The following ACBD5 variants were observed in gnomAD, a reference collection of about 807,000 sequenced individuals.
The protein encoded by ACBD5 is acyl-CoA binding domain containing 5.
In ACBD5, 40 loss-of-function variants were observed where a neutral mutation model predicts 71.8. The ratio of observed to expected loss-of-function variants is 0.56; its 90% CI spans 0.43 to 0.72. ACBD5 has a LOEUF of 0.72. ACBD5 is among the 30% of genes least tolerant of loss of function. The pLI, the probability that ACBD5 is intolerant of heterozygous loss-of-function variation, is 0.00. For synonymous variants in ACBD5, 229 were observed against 218.6 expected (o/e 1.05, Z -0.42); for missense variants, 559 against 644.5 (o/e 0.87, Z 1.44).
intron 12 of ACBD5, among the ~76,000 whole-genome samples, 200 bp from the exon 13 acceptor site, chr10:27,197,642 ATTAT>A (rs925057543): frequency 6.6e-6 from 1 of 152,130 alleles, no homozygotes; most frequent in Non-Finnish European, 1.5e-5. Context: ...ACAGTTTTAA[ATTAT>A]TTATTTATTT....
At chr10:27,217,383 G>C (rs2061776682) in intron 7 of ACBD5, among the ~76,000 whole-genome samples, 2 of 151,508 alleles carry the variant, frequency 1.3e-5, no homozygotes, top group African/African-American at 4.8e-5. Context: ...TTGAACCCAG[G>C]GGGCAGAGGT....
intron 12 of ACBD5, among the ~76,000 whole-genome samples, chr10:27,201,281 A>G (rs2059903282): frequency 6.6e-6 from 1 of 152,234 alleles, no homozygotes; most frequent in African/African-American, 2.4e-5. Context: ...AGGCTAGACA[A>G]CCAGGGACAG....
At chr10:27,219,924 A>C in intron 5 of ACBD5, 67 bp from the exon 6 acceptor site, 1 of 1,455,220 alleles carries the variant, frequency 6.9e-7, no homozygotes, top group South Asian at 1.3e-5. Context: ...TTTCCAAGTA[A>C]TACTAATAAA....
Position 27,240,708 on chromosome 10 carries a change from G to A in ACBD5, c.-20C>T, listed in dbSNP as rs905883724. 6.4e-7 allele frequency: 1 copy of A among 1,550,468 alleles called. No individual in the cohort carries two copies. Among genetic ancestry groups the A allele is most frequent in the Non-Finnish European group, 8.7e-7 (1 of 1,146,932 alleles). The stretch of plus-strand genomic sequence containing the variant: ...GAGCATGTCTAGCAGAAGACAGAGG[G>A]GGTCCGGGCATCGGTGGCCGCGGAG... On this transcript the variant is annotated 5_prime_UTR_variant, in exon 1 of 13. Transcript: ENST00000396271. This position sits in a 1 kb window ranked among gnomAD's most constrained non-coding sequence, Gnocchi z 4.1.
At chr10:27,209,666 G>A (rs751758603) in intron 9 of ACBD5, among the ~76,000 whole-genome samples, 28 of 152,066 alleles carry the variant, frequency 1.8e-4, no homozygotes, top group Non-Finnish European at 3.7e-4. Context: ...TAAATTGTGT[G>A]TTCCTTATAG....
rs773379211 is a variant in ACBD5, at chr10:27,219,723, C to T, written c.625G>A (p.Asp209Asn). 1 of 1,613,762 alleles carries T rather than the reference C, an allele frequency of 6.2e-7. No homozygotes were observed. Among genetic ancestry groups the T allele is most frequent in the African/African-American group, 1.3e-5 (1 of 75,032 alleles). ...EVKGAEQSDN[D>N]KKMMKKSADH... Reference sequence around the variant, plus strand: ...TACTAACTGATTTTCCAAACATTACCATTATCACTTTGTTCTGCTCCTTTC... The same window carrying T: ...TACTAACTGATTTTCCAAACATTACTATTATCACTTTGTTCTGCTCCTTTC... Residue 209 changes from aspartate to asparagine, a missense_variant and splice_region_variant, in exon 6 of 13, where the codon GAT becomes AAT. Physicochemically the swap from Asp to Asn is conservative, Grantham distance 23. Coordinates refer to ENST00000396271, the MANE Select transcript of ACBD5 (RefSeq NM_145698.5).
In ACBD5 at chr10:27,196,489, A is replaced by C. The variant is rs1318216461; in HGVS notation, c.*941T>G. ...ATAGTATACCCCGAAGGAAAAACTG[A>C]GGCACTAAGAGGTTAAGAGTCCAGT... On this transcript the variant is annotated 3_prime_UTR_variant, in exon 13 of 13. Transcript: ENST00000396271. 5 of 454,544 alleles carry C rather than the reference A, an allele frequency of 1.1e-5. No homozygotes were observed. In the East Asian group the frequency reaches 3.5e-4, roughly 32 times the overall value. The allele number at this position is 454,544 out of a possible 1,614,324, so 28.2% of individuals were successfully genotyped here. A position where few individuals can be genotyped will look rare whatever the true frequency, so the allele number is the denominator to read the frequency against.
intron 9 of ACBD5, 92 bp from the exon 10 acceptor site, chr10:27,208,537 A>G (rs1481435128): frequency 6.9e-7 from 1 of 1,451,064 alleles, no homozygotes; most frequent in African/African-American, 1.4e-5. Flanking sequence ...TTTCTTTGAG[A>G]TCTAAATCTC....
In ACBD5 at chr10:27,215,450, T is replaced by C. The variant is rs140769930; in HGVS notation, c.936+85A>G. ...TATCTTTTCAAAATGAAAAATAGCA[T>C]GTATATTTGCTACTAACAGAAGTTA... On this transcript the variant is annotated intron_variant, in intron 8 of 12. Coordinates refer to ENST00000396271, the MANE Select transcript of ACBD5 (RefSeq NM_145698.5). The C allele has an allele frequency of 3.0e-4, 254 of 840,166 alleles. 1 individual carries two copies. The East Asian group carries it at 4.6e-3, about 15-fold the overall frequency. 52.0% of individuals were successfully genotyped at this position (840,166 alleles called of 1,614,324 possible). A position where few individuals can be genotyped will look rare whatever the true frequency, so the allele number is the denominator to read the frequency against.
downstream of ACBD5, among the ~76,000 whole-genome samples, chr10:27,192,827 G>A (rs564574664): frequency 5.9e-5 from 9 of 151,738 alleles, no homozygotes; most frequent in East Asian, 5.9e-4. Flanking sequence ...AAAATTAGCC[G>A]GGCGTGGTGG....
chr10:27,216,399 C>T (rs942822088), intron 7 of ACBD5, among the ~76,000 whole-genome samples: 2 of 152,168 alleles, frequency 1.3e-5, no homozygotes, highest in Admixed American at 6.6e-5. Context: ...CCTTAGCCTC[C>T]CAAAGTGCTG....
At chr10:27,191,720 C>T (rs1276521457), downstream of ACBD5, among the ~76,000 whole-genome samples, 1 of 152,022 alleles carries the variant, frequency 6.6e-6, no homozygotes, top group African/African-American at 2.4e-5. Context: ...CCCATCTCTA[C>T]CAAAAATACA....
chr10:27,195,276 T>G lies in ACBD5; in HGVS notation c.*2154A>C, dbSNP rs1163711163. On this transcript the variant is annotated 3_prime_UTR_variant, in exon 13 of 13. Coordinates refer to ENST00000396271, the MANE Select transcript of ACBD5 (RefSeq NM_145698.5). Reference sequence around the variant, plus strand: ...ACAATAAACAGAAAAGAAGTTATCATTAAAAAAATACCATAGCTGTCAAGT... The same window carrying G: ...ACAATAAACAGAAAAGAAGTTATCAGTAAAAAAATACCATAGCTGTCAAGT... 2.3e-6 allele frequency: 1 copy of G among 430,422 alleles called. No individual in the cohort carries two copies. The highest frequency in any genetic ancestry group is 1.7e-5 in the South Asian group (1 of 58,676). 26.7% of individuals were successfully genotyped at this position (430,422 alleles called of 1,614,324 possible).
intron 9 of ACBD5, among the ~76,000 whole-genome samples, chr10:27,209,084 T>C (rs1034562523): frequency 5.4e-5 from 8 of 147,676 alleles, no homozygotes; most frequent in Admixed American, 2.1e-4. Flanking sequence ...ACTGAAAAAT[T>C]CAAAGACTTT....
At chr10:27,234,786 G>T (rs1286582782) in intron 3 of ACBD5, among the ~76,000 whole-genome samples, 1 of 152,130 alleles carries the variant, frequency 6.6e-6, no homozygotes, top group Non-Finnish European at 1.5e-5. Context: ...ACAAAAATTA[G>T]CTGGGTGTGG....
At chr10:27,191,241 C>G (rs2059065030), downstream of ACBD5, among the ~76,000 whole-genome samples, 1 of 152,114 alleles carries the variant, frequency 6.6e-6, no homozygotes, top group African/African-American at 2.4e-5. Flanking sequence ...ATATACGACA[C>G]TGTAGAAAAG....
chr10:27,239,611 A>G (rs1028854680), intron 2 of ACBD5, among the ~76,000 whole-genome samples: 1 of 63,452 alleles, frequency 1.6e-5, no homozygotes, highest in Non-Finnish European at 3.1e-5. Context: ...ATTTATTAAA[A>G]TAGAAATTAC....
chr10:27,236,233 T>C (rs2064672803), intron 2 of ACBD5, among the ~76,000 whole-genome samples: 1 of 152,200 alleles, frequency 6.6e-6, no homozygotes, highest in African/African-American at 2.4e-5. Flanking sequence ...TTATGATATA[T>C]AAATATAACA....
chr10:27,190,140 C>T (rs1230357848), intron 13 of ACBD5, among the ~76,000 whole-genome samples: 1 of 151,980 alleles, frequency 6.6e-6, no homozygotes, highest in Admixed American at 6.6e-5. Context: ...TAAAAATTAG[C>T]CAGGCATGAT....
Sources: allele counts gnomAD v4.1 joint callset (sites outside exome capture counted in the v4.1 genomes callset), GRCh38; gene constraint gnomAD v4.1.1; non-coding constraint Gnocchi (gnomAD v3.1); transcripts MANE v1.5; gene names NCBI Gene and HGNC (gene_info 2026-07-23, HGNC 2026-07-21).